ZNF594: variants seen among roughly 807,000 people sequenced by gnomAD.
The protein encoded by ZNF594 is zinc finger protein HZF18.
For synonymous variants in ZNF594, 336 were observed against 309.4 expected (o/e 1.09, Z -0.90); for missense variants, 1,037 against 964.6 (o/e 1.08, Z -0.99).
chr17:5,181,599 A>G lies in ZNF594; in HGVS notation c.*234T>C, dbSNP rs767768798. Reference sequence around the variant, plus strand: ...ATGAATTCTCCGACGTTGAATAAGGAGTGAACGCCGCCTGAAGGCTTTTTC... The same window carrying G: ...ATGAATTCTCCGACGTTGAATAAGGGGTGAACGCCGCCTGAAGGCTTTTTC... On this transcript the variant is annotated 3_prime_UTR_variant, in exon 2 of 2. Transcript: ENST00000575779. 6.2e-7 allele frequency: 1 copy of G among 1,611,336 alleles called. No homozygotes were observed. The highest frequency in any genetic ancestry group is 1.7e-5 in the Admixed American group (1 of 60,000).
chr17:5,189,714 A>G (rs1331646407), intron 1 of ZNF594, among the ~76,000 whole-genome samples: 1 of 150,208 alleles, frequency 6.7e-6, no homozygotes, highest in Admixed American at 6.7e-5. Flanking sequence ...TGTAGAGAAA[A>G]GGTCTTGCTA....
At position 5,191,843 on chromosome 17, in the gene ZNF594, G is replaced by A. The variant is rs890116733; in HGVS notation, c.-116C>T. On this transcript the variant is annotated 5_prime_UTR_variant, in exon 1 of 2. Coordinates refer to ENST00000575779, the MANE Select transcript of ZNF594 (RefSeq NM_032530.2). ...CTAGCGCCACCATCTTGGACCCCGCGCCTGGGCCAGGCGAGAACTTCCGGT... is the reference window on the plus strand; with the variant it reads ...CTAGCGCCACCATCTTGGACCCCGCACCTGGGCCAGGCGAGAACTTCCGGT... 4 of 152,104 alleles carry A rather than the reference G, an allele frequency of 2.6e-5. No homozygotes were observed. The highest frequency in any genetic ancestry group is 4.4e-5 in the Non-Finnish European group (3 of 68,060). 9.4% of individuals were successfully genotyped at this position (152,104 alleles called of 1,614,324 possible). A position where few individuals can be genotyped will look rare whatever the true frequency, so the allele number is the denominator to read the frequency against.
Position 5,180,782 on chromosome 17 carries a change from C to A in ZNF594, c.*1051G>T. 1 of 323,766 alleles carries A rather than the reference C, an allele frequency of 3.1e-6. No homozygotes were observed. Among genetic ancestry groups the A allele is most frequent in the Non-Finnish European group, 5.9e-6 (1 of 168,194 alleles). The allele number at this position is 323,766 out of a possible 1,614,324, so 20.1% of individuals were successfully genotyped here. ...TATGTCCAAGAGCTTTTGGCTTTTCCACTTGATTATACTTACGTTTGAAAA... is the reference window on the plus strand; with the variant it reads ...TATGTCCAAGAGCTTTTGGCTTTTCAACTTGATTATACTTACGTTTGAAAA... On this transcript the variant is annotated 3_prime_UTR_variant, in exon 2 of 2. Coordinates refer to ENST00000575779, the MANE Select transcript of ZNF594 (RefSeq NM_032530.2).
At chr17:5,176,343 C>T (rs544195410), downstream of ZNF594, among the ~76,000 whole-genome samples, 15 of 147,284 alleles carry the variant, frequency 1.0e-4, no homozygotes, top group South Asian at 2.1e-3. Context: ...TGCAGTGAGC[C>T]GAGATCACGC....
At chr17:5,176,172 G>T (rs996375398), downstream of ZNF594, among the ~76,000 whole-genome samples, 4 of 152,154 alleles carry the variant, frequency 2.6e-5, no homozygotes, top group Non-Finnish European at 5.9e-5. Flanking sequence ...AAGGCAGGCG[G>T]ATCACCTAAG....
intron 1 of ZNF594, chr17:5,184,534 T>C (rs897842264): frequency 5.5e-6 from 2 of 361,098 alleles, no homozygotes; most frequent in African/African-American, 4.2e-5. Context: ...ATTAATTCAC[T>C]GGGGGAGGAG....
chr17:5,175,308 T>C (rs1286926759), downstream of ZNF594, among the ~76,000 whole-genome samples: 1 of 152,196 alleles, frequency 6.6e-6, no homozygotes, highest in Non-Finnish European at 1.5e-5. Context: ...CGGCACGCCA[T>C]TCTCACAGGA....
chr17:5,185,798 G>A (rs188324774), intron 1 of ZNF594, among the ~76,000 whole-genome samples: 1 of 152,206 alleles, frequency 6.6e-6, no homozygotes, highest in East Asian at 1.9e-4. Context: ...GGGTTACAGG[G>A]CCCATGCAAG....
chr17:5,190,903 C>G (rs1387102761), intron 1 of ZNF594, among the ~76,000 whole-genome samples: 1 of 152,192 alleles, frequency 6.6e-6, no homozygotes, highest in East Asian at 1.9e-4. Context: ...TGGGGACGCG[C>G]TCGGTGGATG....
At chr17:5,188,294 T>C (rs544632001) in intron 1 of ZNF594, among the ~76,000 whole-genome samples, 1 of 150,542 alleles carries the variant, frequency 6.6e-6, no homozygotes, top group East Asian at 2.0e-4. Context: ...ACAAAAAACT[T>C]GTGATCTGAA....
chr17:5,177,860 C>T (rs114713843), downstream of ZNF594, among the ~76,000 whole-genome samples: 1,231 of 152,058 alleles, frequency 8.1e-3, 18 homozygotes, highest in African/African-American at 0.028. Flanking sequence ...TAAAAATAAA[C>T]TTACTAAAAC....
chr17:5,187,618 C>T (rs1397633874), intron 1 of ZNF594, among the ~76,000 whole-genome samples: 2 of 152,194 alleles, frequency 1.3e-5, no homozygotes, highest in African/African-American at 4.8e-5. Flanking sequence ...CCTGGCTCCA[C>T]CACTTAATGA....
At chr17:5,185,773 T>G (rs374827190) in intron 1 of ZNF594, among the ~76,000 whole-genome samples, 1 of 152,122 alleles carries the variant, frequency 6.6e-6, no homozygotes. Flanking sequence ...ATGGGAGAAA[T>G]TGGCCAAAAC....
chr17:5,182,036 T>C lies in ZNF594; in HGVS notation c.2221A>G (p.Thr741Ala), dbSNP rs764329257. 4.1e-5 allele frequency: 66 copies of C among 1,613,506 alleles called. No homozygotes were observed. Among genetic ancestry groups the C allele is most frequent in the Non-Finnish European group, 5.5e-5 (65 of 1,179,998 alleles). ...AGEKLEECEK[T>A]FSKDEELRKE... ...CTAAGCTCCTCATCCTTGCTGAAGGTTTTCTCACATTCTTCAAGTTTCTCT... is the reference window on the plus strand; with the variant it reads ...CTAAGCTCCTCATCCTTGCTGAAGGCTTTCTCACATTCTTCAAGTTTCTCT... Residue 741 changes from threonine (T) to alanine (A), a missense_variant, in exon 2 of 2, where the codon ACC (threonine) becomes GCC (alanine). Thr to Ala is a moderately conservative substitution (Grantham distance 58, BLOSUM62 0). Transcript: ENST00000575779.
chr17:5,186,866 T>C (rs780739669), intron 1 of ZNF594, among the ~76,000 whole-genome samples: 1 of 152,214 alleles, frequency 6.6e-6, no homozygotes, highest in Non-Finnish European at 1.5e-5. Flanking sequence ...TCCCGACAAG[T>C]TCCTCATCTC....
At chr17:5,188,150 T>G (rs2074397677) in intron 1 of ZNF594, among the ~76,000 whole-genome samples, 1 of 151,708 alleles carries the variant, frequency 6.6e-6, no homozygotes, top group South Asian at 2.1e-4. Context: ...TAATTTTCCC[T>G]TGAAGTGTTT....
In ZNF594 at chr17:5,183,520, T is replaced by C. The variant is rs560547646; in HGVS notation, c.737A>G (p.Lys246Arg). The change falls in exon 2 of 2, where the codon AAG (lysine) becomes AGG (arginine). Residue 246 changes from lysine to arginine, a missense_variant. Lys to Arg is a conservative substitution (Grantham distance 26). Coordinates refer to ENST00000575779, the MANE Select transcript of ZNF594 (RefSeq NM_032530.2). ...GKPYLCNKCGKAFSQSTDLII... is the reference protein window; with the variant it reads ...GKPYLCNKCGRAFSQSTDLII... ...AAGATCTGTGCTTTGACTGAAAGCC[T>C]TCCCACATTTATTGCATAAATATGG... 24 of 1,614,230 alleles carry C rather than the reference T, an allele frequency of 1.5e-5. No individual in the cohort carries two copies. The African/African-American group carries it at 3.1e-4, about 21-fold the overall frequency.
intron 1 of ZNF594, among the ~76,000 whole-genome samples, chr17:5,189,545 G>GT (rs946400413): frequency 2.7e-5 from 4 of 149,212 alleles, no homozygotes; most frequent in East Asian, 2.0e-4. Flanking sequence ...AGCTTGTTTT[G>GT]TTTTTTTCAT....
chr17:5,181,788 T>A lies in ZNF594; in HGVS notation c.*45A>T, dbSNP rs779500050. The A allele has an allele frequency of 3.1e-6, 5 of 1,612,624 alleles. No homozygotes were observed. The Admixed American group carries it at 8.3e-5, about 27-fold the overall frequency. ...AAGATCTGAGCTGCTCCTAAAAGAT[T>A]CCCCACATTTATTGCATACGTAAGG... is the stretch of plus-strand genomic sequence containing the variant. On this transcript the variant is annotated 3_prime_UTR_variant, in exon 2 of 2. Coordinates refer to ENST00000575779, the MANE Select transcript of ZNF594 (RefSeq NM_032530.2).
Sources: gnomAD v4.1 joint callset for allele counts (sites outside exome capture counted in the v4.1 genomes callset) on GRCh38, gnomAD v4.1.1 for gene constraint, MANE v1.5 for transcripts, NCBI Gene and HGNC (gene_info 2026-07-23, HGNC 2026-07-21) for gene names.